Variants in MEGF6 observed in about 807,000 individuals in gnomAD.
MEGF6 encodes multiple epidermal growth factor-like domains protein 6.
Under a neutral mutation model 207.1 loss-of-function variants are expected in MEGF6, and 184 were observed. The ratio of observed to expected loss-of-function variants is 0.89; its 90% CI spans 0.79 to 1.00. The LOEUF (loss-of-function observed/expected upper bound fraction) is 1.00. MEGF6 is among the 50% of genes least tolerant of loss of function. MEGF6 has a pLI of 0.00. For missense variants in MEGF6, 2,282 were observed against 2,202.9 expected (o/e 1.04, Z -0.72); for synonymous variants, 1,038 against 910.0 (o/e 1.14, Z -2.53).
intron 29 of MEGF6, 27 bp from the exon 30 acceptor site, chr1:3,496,045 G>T: frequency 6.7e-7 from 1 of 1,490,814 alleles, no homozygotes; most frequent in Non-Finnish European, 8.9e-7. Context: ...GGTGATCGTG[G>T]CTGGCTTCCC....
chr1:3,531,358 G>A (rs1008668787), intron 4 of MEGF6: 7 of 1,189,262 alleles, frequency 5.9e-6, no homozygotes, highest in Middle Eastern at 3.4e-4. Flanking sequence ...CCGGGCGGGC[G>A]CGCAATCCCA....
intron 3 of MEGF6, among the ~76,000 whole-genome samples, chr1:3,580,438 C>G (rs1280147815): frequency 6.6e-6 from 1 of 152,202 alleles, no homozygotes; most frequent in African/African-American, 2.4e-5. Context: ...GAGGAAAGGT[C>G]CCGGCAGGTG....
intron 2 of MEGF6, among the ~76,000 whole-genome samples, chr1:3,597,732 G>A (rs1446980811): frequency 1.3e-5 from 2 of 152,132 alleles, no homozygotes; most frequent in South Asian, 2.1e-4. Flanking sequence ...TGTGACAGAC[G>A]CCCCCTCAGA....
chr1:3,612,726 A>G (rs1471672265), upstream of MEGF6, among the ~76,000 whole-genome samples: 1 of 143,762 alleles, frequency 7.0e-6, no homozygotes, highest in African/African-American at 2.6e-5. Flanking sequence ...AATAGGGAGC[A>G]CTGGAGGGAG....
intron 33 of MEGF6, 28 bp downstream of exon 33, chr1:3,493,968 G>A: frequency 6.3e-7 from 1 of 1,586,752 alleles, no homozygotes; most frequent in East Asian, 2.3e-5. Flanking sequence ...CCAGGGAGCG[G>A]GGGTTCAGGG....
intron 4 of MEGF6, among the ~76,000 whole-genome samples, chr1:3,576,893 A>T (rs1226213639): frequency 7.0e-6 from 1 of 141,886 alleles, no homozygotes; most frequent in Non-Finnish European, 1.5e-5. Context: ...CTGGCCCTGC[A>T]CACTCCACCC....
intron 7 of MEGF6, among the ~76,000 whole-genome samples, chr1:3,512,747 A>G (rs1231166404): frequency 1.3e-5 from 2 of 152,232 alleles, no homozygotes; most frequent in South Asian, 2.1e-4. Flanking sequence ...CTGTAAGTCC[A>G]TTAAACCTCT....
At chr1:3,577,669 C>A (rs1436607669) in intron 4 of MEGF6, among the ~76,000 whole-genome samples, 3 of 152,206 alleles carry the variant, frequency 2.0e-5, no homozygotes, top group Non-Finnish European at 4.4e-5. Flanking sequence ...GGCCCAGGCA[C>A]CGTGAGAGTC....
At chr1:3,619,103 A>G in the MEGF6 span, among the ~76,000 whole-genome samples, 2 of 152,260 alleles carry the variant, frequency 1.3e-5, no homozygotes, top group South Asian at 4.1e-4. Context: ...AGGAAGATAA[A>G]TAATGACTTC....
Position 3,510,041 on chromosome 1 carries a change from C to A in MEGF6, c.1235-49G>T, listed in dbSNP as rs372109286. 3.1e-3 allele frequency: 4,805 copies of A among 1,553,610 alleles called. 14 individuals are homozygous for A. Among genetic ancestry groups the A allele is most frequent in the Non-Finnish European group, 3.5e-3 (4,084 of 1,157,502 alleles). Reference sequence around the variant, plus strand: ...AGGCCTGTGCTCCCAGGTGGGGAACCAGGAAGGCCCCTGCCCACCCAGTCC... The same window carrying A: ...AGGCCTGTGCTCCCAGGTGGGGAACAAGGAAGGCCCCTGCCCACCCAGTCC... On this transcript the variant is annotated intron_variant, in intron 10 of 36. Transcript: ENST00000356575.
At chr1:3,514,130 C>G (rs1641451754) in intron 7 of MEGF6, among the ~76,000 whole-genome samples, 1 of 152,012 alleles carries the variant, frequency 6.6e-6, no homozygotes, top group African/African-American at 2.4e-5. Flanking sequence ...TGCCTGTAGT[C>G]CCAGCTGCTG....
intron 10 of MEGF6, among the ~76,000 whole-genome samples, chr1:3,510,211 G>T (rs1641286381): frequency 6.6e-6 from 1 of 152,116 alleles, no homozygotes; most frequent in South Asian, 2.1e-4. Flanking sequence ...ACGTGCTAGG[G>T]GGGGCCAGGC....
intron 35 of MEGF6, among the ~76,000 whole-genome samples, chr1:3,492,225 T>C (rs1177645066): frequency 6.6e-6 from 1 of 152,032 alleles, no homozygotes; most frequent in Non-Finnish European, 1.5e-5. Flanking sequence ...AGACACACCC[T>C]CACACCCTGG....
At chr1:3,510,069 C>T in intron 10 of MEGF6, 77 bp from the exon 11 acceptor site, 1 of 1,504,334 alleles carries the variant, frequency 6.6e-7, no homozygotes, top group Non-Finnish European at 8.9e-7. Context: ...CCCAGTCCTA[C>T]CCACAGGACT....
chr1:3,528,549 G>A (rs1266393233), intron 4 of MEGF6, among the ~76,000 whole-genome samples: 1 of 152,234 alleles, frequency 6.6e-6, no homozygotes, highest in Non-Finnish European at 1.5e-5. Flanking sequence ...CTGAGTTGAG[G>A]ATCTGGATGG....
intron 4 of MEGF6, among the ~76,000 whole-genome samples, chr1:3,529,630 G>A (rs963719611): frequency 3.3e-5 from 5 of 152,220 alleles, no homozygotes; most frequent in Admixed American, 1.3e-4. Context: ...GTGCCAACAC[G>A]GGCTGGTTCA....
the MEGF6 span, among the ~76,000 whole-genome samples, chr1:3,619,485 C>A: frequency 6.6e-6 from 1 of 151,350 alleles, no homozygotes; most frequent in Non-Finnish European, 1.5e-5. Context: ...AATTGTAATC[C>A]CCCACGTGTC....
intron 4 of MEGF6, among the ~76,000 whole-genome samples, chr1:3,544,953 C>A (rs1389493649): frequency 3.3e-5 from 5 of 152,190 alleles, no homozygotes; most frequent in Admixed American, 6.5e-5. Flanking sequence ...GACAGTGACC[C>A]GCCCTTTGCT....
Position 3,501,312 on chromosome 1 carries a change from G to C in MEGF6, c.2315-4C>G. 3.1e-6 allele frequency: 5 copies of C among 1,594,444 alleles called. No individual in the cohort carries two copies. The highest frequency in any genetic ancestry group is 4.3e-6 in the Non-Finnish European group (5 of 1,171,122). ...CCCCAGCGGCCCTCGGGACAATCTA[G>C]TGCCCACCCCCATGGCCAGTCAGTG... is the stretch of plus-strand genomic sequence containing the variant. On this transcript the variant is annotated splice_region_variant and splice_polypyrimidine_tract_variant and intron_variant, in intron 18 of 36. Coordinates refer to ENST00000356575, the MANE Select transcript of MEGF6 (RefSeq NM_001409.4).
Sources: gnomAD v4.1 joint callset for allele counts (sites outside exome capture counted in the v4.1 genomes callset) on GRCh38, gnomAD v4.1.1 for gene constraint, MANE v1.5 for transcripts, NCBI Gene and HGNC (gene_info 2026-07-23, HGNC 2026-07-21) for gene names.